Variants in TRDN observed in about 807,000 individuals in gnomAD.
The protein encoded by TRDN is triadin, also known as triadin in skeletal muscle.
A neutral mutation model predicts 149.7 loss-of-function variants in TRDN; 161 were observed. The ratio of observed to expected loss-of-function variants is 1.08; its 90% CI spans 0.95 to 1.23. TRDN has a LOEUF of 1.23. Ranked by LOEUF, TRDN falls within the 50% of genes most tolerant of loss-of-function variation. The pLI, the probability that TRDN is intolerant of heterozygous loss-of-function variation, is 0.00. For missense variants in TRDN, 896 were observed against 823.5 expected, an observed-to-expected ratio of 1.09 and a Z score of -1.08; for synonymous variants, 294 against 250.5, an observed-to-expected ratio of 1.17 and a Z score of -1.64.
intron 5 of TRDN, among the ~76,000 whole-genome samples, chr6:123,524,357 C>T (rs990447426): frequency 1.3e-5 from 2 of 149,246 alleles, no homozygotes; most frequent in African/African-American, 4.9e-5. Flanking sequence ...TCTATACTTT[C>T]AGCCTTTTCA....
intron 32 of TRDN, among the ~76,000 whole-genome samples, chr6:123,266,055 CT>C (rs1294045975): frequency 4.4e-5 from 6 of 136,176 alleles, no homozygotes; most frequent in Non-Finnish European, 9.2e-5. Context: ...CAAATTGATA[CT>C]TTTTTTGTAG....
chr6:123,327,589 C>T (rs900290915), intron 23 of TRDN, among the ~76,000 whole-genome samples: 2 of 151,938 alleles, frequency 1.3e-5, no homozygotes, highest in Admixed American at 6.6e-5. Flanking sequence ...GAGTTTGTTT[C>T]CATTGTGAAT....
At chr6:123,390,817 A>C (rs903720265) in intron 13 of TRDN, among the ~76,000 whole-genome samples, 1 of 152,024 alleles carries the variant, frequency 6.6e-6, no homozygotes, top group Non-Finnish European at 1.5e-5. Flanking sequence ...TGGTTTTCAC[A>C]TTGTAAAAAG....
intron 23 of TRDN, among the ~76,000 whole-genome samples, chr6:123,321,295 CA>C (rs1779233480): frequency 6.6e-6 from 1 of 152,076 alleles, no homozygotes; most frequent in South Asian, 2.1e-4. Context: ...CGGTGGAGGT[CA>C]ATCATTTCAC....
chr6:123,283,289 A>G (rs758940741), intron 24 of TRDN, among the ~76,000 whole-genome samples: 1 of 151,978 alleles, frequency 6.6e-6, no homozygotes, highest in African/African-American at 2.4e-5. Context: ...GAAACAAGCT[A>G]TCAAAAAGTC....
In TRDN at chr6:123,601,551, C is replaced by T. The variant is rs769212385; in HGVS notation, c.23-30419G>A. Among the ~76,000 whole-genome samples, 37 of 152,180 alleles carry T rather than the reference C, an allele frequency of 2.4e-4. 1 individual carries two copies. In the South Asian group the frequency reaches 2.5e-3, roughly 10 times the overall value. On this transcript the variant is annotated intron_variant, in intron 1 of 40. Coordinates refer to ENST00000334268, the MANE Select transcript of TRDN (RefSeq NM_006073.4). ...CATGGCTCCAGTTACTCCACATGCC[C>T]CATTGGTGCTAATTGGTAAAAGGAG... is the stretch of plus-strand genomic sequence containing the variant.
At chr6:123,392,566 T>C (rs1471770265) in intron 13 of TRDN, among the ~76,000 whole-genome samples, 1 of 152,036 alleles carries the variant, frequency 6.6e-6, no homozygotes, top group Non-Finnish European at 1.5e-5. Flanking sequence ...ATAATATTTG[T>C]CCTGCCTTTC....
chr6:123,406,438 C>G (rs2114499780), intron 12 of TRDN, among the ~76,000 whole-genome samples: 1 of 152,140 alleles, frequency 6.6e-6, no homozygotes, highest in South Asian at 2.1e-4. Flanking sequence ...TGACCCTAGC[C>G]CAGCATGTTG....
At chr6:123,615,403 T>G (rs1260086091) in intron 1 of TRDN, among the ~76,000 whole-genome samples, 3 of 152,138 alleles carry the variant, frequency 2.0e-5, no homozygotes, top group African/African-American at 7.2e-5. Context: ...AACCTAAGTA[T>G]CCATCCACAG....
At chr6:123,589,319 T>G (rs1323999056) in intron 1 of TRDN, among the ~76,000 whole-genome samples, 1 of 152,222 alleles carries the variant, frequency 6.6e-6, no homozygotes, top group East Asian at 1.9e-4. Flanking sequence ...AAATTAATTT[T>G]CTAGTATTTT....
chr6:123,586,269 G>A (rs1339276329), intron 1 of TRDN, among the ~76,000 whole-genome samples: 1 of 152,114 alleles, frequency 6.6e-6, no homozygotes, highest in African/African-American at 2.4e-5. Flanking sequence ...GTGTGAGGAG[G>A]GGAGATGATA....
At chr6:123,451,154 A>C (rs1775744178) in intron 10 of TRDN, among the ~76,000 whole-genome samples, 1 of 152,112 alleles carries the variant, frequency 6.6e-6, no homozygotes, top group Non-Finnish European at 1.5e-5. Context: ...AGACTAAAAA[A>C]GCAAAAATTG....
intron 31 of TRDN, 81 bp downstream of exon 31, chr6:123,269,768 T>A: frequency 7.0e-7 from 1 of 1,422,702 alleles, no homozygotes; most frequent in Admixed American, 1.9e-5. Flanking sequence ...AATAACATTT[T>A]TCTTAAAAAA....
chr6:123,427,068 G>A (rs1175957856), intron 12 of TRDN, among the ~76,000 whole-genome samples: 3 of 151,908 alleles, frequency 2.0e-5, no homozygotes, highest in African/African-American at 7.2e-5. Flanking sequence ...TTGCCCTGAG[G>A]ACAATTAATC....
chr6:123,483,252 GC>G (rs1562339408), intron 9 of TRDN, among the ~76,000 whole-genome samples: 1 of 151,262 alleles, frequency 6.6e-6, no homozygotes, highest in East Asian at 1.9e-4. Flanking sequence ...ACAGGCGTGT[GC>G]CACCATGCCA....
intron 5 of TRDN, among the ~76,000 whole-genome samples, chr6:123,522,119 T>C (rs950079729): frequency 1.6e-4 from 24 of 152,254 alleles, no homozygotes; most frequent in African/African-American, 5.5e-4. Flanking sequence ...CTCTCCAGTA[T>C]ACATTTCTGT....
chr6:123,556,856 G>A (rs1356610332), intron 2 of TRDN, among the ~76,000 whole-genome samples: 1 of 152,062 alleles, frequency 6.6e-6, no homozygotes, highest in Non-Finnish European at 1.5e-5. Context: ...TCAGGCCTCT[G>A]AGCCAAGCTA....
chr6:123,488,314 T>G (rs1301355265), intron 9 of TRDN, among the ~76,000 whole-genome samples: 2 of 152,150 alleles, frequency 1.3e-5, no homozygotes, highest in African/African-American at 4.8e-5. Flanking sequence ...TGGCAGATGC[T>G]AAACAAATGA....
intron 5 of TRDN, among the ~76,000 whole-genome samples, chr6:123,525,333 G>A (rs1779890749): frequency 6.6e-6 from 1 of 151,960 alleles, no homozygotes; most frequent in Non-Finnish European, 1.5e-5. Context: ...ATTGGGTAAA[G>A]AAAATGTGGT....
Sources: gnomAD v4.1 joint callset for allele counts (sites outside exome capture counted in the v4.1 genomes callset) on GRCh38, gnomAD v4.1.1 for gene constraint, MANE v1.5 for transcripts, NCBI Gene and HGNC (gene_info 2026-07-23, HGNC 2026-07-21) for gene names.